DHRS2: variants seen among roughly 807,000 people sequenced by gnomAD.
DHRS2 encodes dehydrogenase/reductase 2, also known as dehydrogenase/reductase SDR family member 2, mitochondrial.
In DHRS2, 29 loss-of-function variants were observed where a neutral mutation model predicts 26.3. The observed-to-expected ratio is 1.10, with a 90% CI of 0.82 to 1.50. The LOEUF is 1.50. Among genes scored for constraint, DHRS2 ranks in the 40% most tolerant of loss-of-function variants. The pLI is 0.00. For missense variants in DHRS2, 439 were observed against 367.1 expected (o/e 1.20, Z -1.60); for synonymous variants, 164 against 151.3 (o/e 1.08, Z -0.62).
Position 23,636,432 on chromosome 14 carries a change from C to G in DHRS2, c.-379C>G, listed in dbSNP as rs145761609. 5 of 152,100 alleles carry G rather than the reference C, an allele frequency of 3.3e-5. No homozygotes were observed. Among genetic ancestry groups the G allele is most frequent in the African/African-American group, 7.2e-5 (3 of 41,418 alleles). The allele number at this position is 152,100 out of a possible 1,614,324, so 9.4% of individuals were successfully genotyped here. ...CTTTTGGTCTTCATGATAAATCTTG[C>G]TGCTGCTCACTCGTTGGGTCCGTGC... On this transcript the variant is annotated 5_prime_UTR_variant, in exon 1 of 9. Transcript: ENST00000250383.
In DHRS2 at chr14:23,638,955, A is replaced by G. The variant is rs1890489734; in HGVS notation, c.91A>G (p.Lys31Glu). ...GATGAGCAGCACCGGGATAGACAGG[A>G]AGGGCGTCCTGGCTAACCGGGTAGC... ...VRMSSTGIDRKGVLANRVAVV... is the reference protein window; with the variant it reads ...VRMSSTGIDREGVLANRVAVV... The change falls in exon 2 of 9, where the codon AAG (lysine) becomes GAG (glutamate). Residue 31 changes from lysine (K) to glutamate (E), a missense_variant. Physicochemically the swap from Lys to Glu is moderately conservative, Grantham distance 56 (BLOSUM62 1). Transcript: ENST00000250383. 3.1e-6 allele frequency: 5 copies of G among 1,614,052 alleles called. No individual in the cohort carries two copies. The East Asian group carries it at 1.1e-4, about 36-fold the overall frequency.
chr14:23,641,796 C>A (rs760785517), intron 4 of DHRS2: 1 of 1,284,292 alleles, frequency 7.8e-7, no homozygotes, highest in Non-Finnish European at 1.0e-6. Flanking sequence ...CTCCTTCCCA[C>A]ATCCAAGGGA....
upstream of DHRS2, among the ~76,000 whole-genome samples, chr14:23,635,453 T>G (rs1890247076): frequency 2.0e-5 from 3 of 152,202 alleles, no homozygotes; most frequent in Admixed American, 1.3e-4. Context: ...GTGTACAGTC[T>G]CTTGGTGCAC....
chr14:23,639,013 T>C lies in DHRS2; in HGVS notation c.140+9T>C. On this transcript the variant is annotated intron_variant, in intron 2 of 8. Coordinates refer to ENST00000250383, the MANE Select transcript of DHRS2 (RefSeq NM_005794.4). ...ACGGGGTCCACCAGTGGGTGAGTGCTGGATTGCCCATGGGTCCTGGCCCCT... is the reference window on the plus strand; with the variant it reads ...ACGGGGTCCACCAGTGGGTGAGTGCCGGATTGCCCATGGGTCCTGGCCCCT... 6.2e-7 allele frequency: 1 copy of C among 1,612,362 alleles called. No individual in the cohort carries two copies. The highest frequency in any genetic ancestry group is 8.5e-7 in the Non-Finnish European group (1 of 1,179,712).
At chr14:23,635,879 C>T (rs1264128777), upstream of DHRS2, among the ~76,000 whole-genome samples, 1 of 152,256 alleles carries the variant, frequency 6.6e-6, no homozygotes, top group Non-Finnish European at 1.5e-5. Flanking sequence ...CCGGTGCCAG[C>T]TGGGCCTGAC....
At chr14:23,634,836 T>C (rs1292391385), upstream of DHRS2, among the ~76,000 whole-genome samples, 1 of 152,146 alleles carries the variant, frequency 6.6e-6, no homozygotes, top group Non-Finnish European at 1.5e-5. Flanking sequence ...CTTGCTGCTC[T>C]TGTGATAGTG....
upstream of DHRS2, among the ~76,000 whole-genome samples, chr14:23,632,919 G>A (rs766565805): frequency 3.9e-5 from 6 of 152,192 alleles, no homozygotes; most frequent in Non-Finnish European, 2.9e-5. Flanking sequence ...GTCCCTGAGT[G>A]CCCTGCTAAC....
Position 23,636,714 on chromosome 14 carries a change from A to G in DHRS2, c.-97A>G. On this transcript the variant is annotated 5_prime_UTR_variant, in exon 1 of 9. Coordinates refer to ENST00000250383, the MANE Select transcript of DHRS2 (RefSeq NM_005794.4). Reference sequence around the variant, plus strand: ...GGTGAGACTATTGCCAAGCAGTGAGACTATTGCCAAGTGGTGAGACCATCA... The same window carrying G: ...GGTGAGACTATTGCCAAGCAGTGAGGCTATTGCCAAGTGGTGAGACCATCA... The G allele has an allele frequency of 6.6e-6, 1 of 151,022 alleles. No homozygotes were observed. Among genetic ancestry groups the G allele is most frequent in the South Asian group, 2.1e-4 (1 of 4,820 alleles). 9.4% of individuals were successfully genotyped at this position (151,022 alleles called of 1,614,324 possible).
chr14:23,631,257 T>G (rs1442365279), intron 1 of DHRS2, among the ~76,000 whole-genome samples: 5 of 152,130 alleles, frequency 3.3e-5, no homozygotes, highest in Non-Finnish European at 7.4e-5. Flanking sequence ...AAAAGTCTGT[T>G]TTTTCAGCCC....
chr14:23,644,486 G>T lies in DHRS2; in HGVS notation c.618G>T (p.Lys206Asn), dbSNP rs1208686618. Residue 206 changes from lysine (K) to asparagine (N), a missense_variant, in exon 7 of 9, where the codon AAG becomes AAT. Physicochemically the swap from Lys to Asn is moderately conservative, Grantham distance 94 (BLOSUM62 0). Transcript: ENST00000250383. ...TRTLALELAPKDIRVNCVVPG... is the reference protein window; with the variant it reads ...TRTLALELAPNDIRVNCVVPG... ...CACTGGCATTGGAGCTGGCCCCCAA[G>T]GACATCCGGGTAAACTGCGTGGTTC... 7 of 1,614,224 alleles carry T rather than the reference G, an allele frequency of 4.3e-6. No individual in the cohort carries two copies. The highest frequency in any genetic ancestry group is 1.3e-5 in the African/African-American group (1 of 75,056).
At chr14:23,643,252 G>A in intron 5 of DHRS2, 33 bp downstream of exon 5, 2 of 1,606,806 alleles carry the variant, frequency 1.2e-6, no homozygotes, top group Non-Finnish European at 1.7e-6. Context: ...ACCAGTCGGA[G>A]TTGGGGACCT....
Position 23,645,524 on chromosome 14 carries a change from G to T in DHRS2, c.*271G>T. 1 of 555,916 alleles carries T rather than the reference G, an allele frequency of 1.8e-6. No individual in the cohort carries two copies. Among genetic ancestry groups the T allele is most frequent in the Non-Finnish European group, 3.1e-6 (1 of 322,860 alleles). 34.4% of individuals were successfully genotyped at this position (555,916 alleles called of 1,614,324 possible). On this transcript the variant is annotated 3_prime_UTR_variant, in exon 9 of 9. Transcript: ENST00000250383. ...GATTTTATGGAGCTGGTGCTTTGGAGGAATCTTAAGGGAAAGGAGTAGAAG... is the reference window on the plus strand; with the variant it reads ...GATTTTATGGAGCTGGTGCTTTGGATGAATCTTAAGGGAAAGGAGTAGAAG...
upstream of DHRS2, among the ~76,000 whole-genome samples, chr14:23,632,058 G>C (rs968830684): frequency 3.9e-5 from 6 of 152,192 alleles, no homozygotes; most frequent in Admixed American, 2.6e-4. Context: ...GGCCAGAAAG[G>C]GGACAGCCAG....
chr14:23,633,200 G>A (rs140484200), upstream of DHRS2, among the ~76,000 whole-genome samples: 66 of 152,242 alleles, frequency 4.3e-4, no homozygotes, highest in African/African-American at 1.2e-3. Flanking sequence ...TCACATCTGC[G>A]CATAGCTACA....
At chr14:23,644,964 T>C (rs568238449) in intron 8 of DHRS2, 82 bp downstream of exon 8, 1 of 1,568,932 alleles carries the variant, frequency 6.4e-7, no homozygotes, top group South Asian at 1.1e-5. Flanking sequence ...GACCCCTCCC[T>C]GTCATCTGGC....
chr14:23,644,774 C>T (rs1702126743), intron 7 of DHRS2, 53 bp from the exon 8 acceptor site: 2 of 1,600,592 alleles, frequency 1.2e-6, no homozygotes, highest in Non-Finnish European at 8.6e-7. Context: ...TCCCGGGGCC[C>T]TGCCCATCTT....
rs1023841039 is a variant in DHRS2, at chr14:23,639,278, G to T, written c.240G>T (p.Leu80=). The change falls in exon 3 of 9, where the codon CTG becomes CTT. Residue 80 remains leucine (L), a synonymous_variant. Coordinates refer to ENST00000250383, the MANE Select transcript of DHRS2 (RefSeq NM_005794.4). ...ACGTGGACCGGGCCATGGCCAAGCT[G>T]CAGGGGGAGGGGCTGAGTGTGGCGG... The part of the protein sequence containing the change: ...QQNVDRAMAK[L]QGEGLSVAGI... 4.3e-6 allele frequency: 7 copies of T among 1,610,166 alleles called. No homozygotes were observed. The highest frequency in any genetic ancestry group is 5.1e-6 in the Non-Finnish European group (6 of 1,178,146).
chr14:23,639,649 C>A, intron 3 of DHRS2, 145 bp from the exon 4 acceptor site: 1 of 939,474 alleles, frequency 1.1e-6, no homozygotes, highest in Non-Finnish European at 1.5e-6. Context: ...AGTGCCTGGC[C>A]CCAGGAGCCT....
rs762487643 is a variant in DHRS2, at chr14:23,644,824, C to G, written c.676-3C>G. On this transcript the variant is annotated splice_region_variant and splice_polypyrimidine_tract_variant and intron_variant, in intron 7 of 8. Coordinates refer to ENST00000250383, the MANE Select transcript of DHRS2 (RefSeq NM_005794.4). ...GACTCCTTCATTTCTTCCCTTTGCC[C>G]AGTTTCATGGGAATGAGTCTCTCTG... 6 of 1,614,038 alleles carry G rather than the reference C, an allele frequency of 3.7e-6. No homozygotes were observed. Among genetic ancestry groups the G allele is most frequent in the Non-Finnish European group, 4.2e-6 (5 of 1,179,994 alleles).
Sources: allele counts gnomAD v4.1 joint callset (sites outside exome capture counted in the v4.1 genomes callset), GRCh38; gene constraint gnomAD v4.1.1; transcripts MANE v1.5; gene names NCBI Gene and HGNC (gene_info 2026-07-23, HGNC 2026-07-21).